Variants in FAF1 observed in about 807,000 individuals in gnomAD.
The protein encoded by FAF1 is FAS-associated factor 1.
A neutral mutation model predicts 92.5 loss-of-function variants in FAF1; 25 were observed. That is an observed-to-expected ratio of 0.27 (90% CI 0.20 to 0.38). The LOEUF is 0.38. FAF1 is among the 10% of genes least tolerant of loss of function. FAF1 has a pLI of 1.00. For missense variants in FAF1, 636 were observed against 793.3 expected (o/e 0.80, Z 2.38); for synonymous variants, 234 against 273.2 (o/e 0.86, Z 1.42).
intron 6 of FAF1, among the ~76,000 whole-genome samples, chr1:50,724,140 G>C (rs1240360865): frequency 1.3e-5 from 2 of 151,518 alleles, no homozygotes; most frequent in Non-Finnish European, 2.9e-5. Context: ...GGCTAAGGCA[G>C]GAGGACGACT....
intron 1 of FAF1, 46 bp downstream of exon 1, chr1:50,959,721 A>G: frequency 6.5e-7 from 1 of 1,547,946 alleles, no homozygotes; most frequent in South Asian, 1.1e-5. Context: ...GGCACCGGAA[A>G]CCCACGAGGT....
chr1:50,846,602 G>T, intron 2 of FAF1: 1 of 532,066 alleles, frequency 1.9e-6, no homozygotes. Context: ...GGGTGAGTGA[G>T]CGCTTCCTTG....
intron 8 of FAF1, among the ~76,000 whole-genome samples, chr1:50,635,683 T>G (rs998456877): frequency 2.0e-5 from 3 of 152,162 alleles, no homozygotes; most frequent in Non-Finnish European, 4.4e-5. Flanking sequence ...ACCGCTAAGC[T>G]CAAGCAAACC....
intron 17 of FAF1, among the ~76,000 whole-genome samples, chr1:50,478,249 C>G (rs911984652): frequency 1.3e-5 from 2 of 151,778 alleles, no homozygotes; most frequent in East Asian, 3.9e-4. Flanking sequence ...CTGCAACCTC[C>G]GTCTCCCAGG....
At chr1:50,587,775 C>T (rs181991232) in intron 9 of FAF1, among the ~76,000 whole-genome samples, 1 of 152,210 alleles carries the variant, frequency 6.6e-6, no homozygotes, top group East Asian at 1.9e-4. Context: ...ATATTATACA[C>T]AGAGTGATTA....
chr1:50,647,153 G>A (rs1654635740), intron 8 of FAF1, among the ~76,000 whole-genome samples: 1 of 151,976 alleles, frequency 6.6e-6, no homozygotes, highest in Non-Finnish European at 1.5e-5. Context: ...CCAGCCTAGG[G>A]CTCCGGACTT....
At chr1:50,451,925 CG>C in intron 18 of FAF1, 3 of 1,117,098 alleles carry the variant, frequency 2.7e-6, no homozygotes, top group Non-Finnish European at 3.3e-6. Flanking sequence ...GGCACACTGT[CG>C]GGGACACCCT....
intron 18 of FAF1, among the ~76,000 whole-genome samples, chr1:50,453,683 A>C (rs374102466): frequency 3.2e-4 from 48 of 152,342 alleles, no homozygotes; most frequent in African/African-American, 1.0e-3. Context: ...ACCTATACCC[A>C]AAATTCCCAA....
At chr1:50,841,766 G>A in intron 2 of FAF1, among the ~76,000 whole-genome samples, 1 of 151,920 alleles carries the variant, frequency 6.6e-6, no homozygotes, top group East Asian at 1.9e-4. Context: ...TTTTTTTTAA[G>A]TTATTAAGGT....
intron 2 of FAF1, among the ~76,000 whole-genome samples, chr1:50,825,480 C>A (rs942233868): frequency 6.6e-6 from 1 of 151,610 alleles, no homozygotes; most frequent in African/African-American, 2.4e-5. Flanking sequence ...GTCACTCTAC[C>A]CAGAATATGT....
At chr1:50,686,613 G>T (rs1413826596) in intron 7 of FAF1, among the ~76,000 whole-genome samples, 3 of 145,134 alleles carry the variant, frequency 2.1e-5, no homozygotes, top group African/African-American at 7.7e-5. Context: ...AGGGGAGGGA[G>T]GGGAGGGGAG....
chr1:50,871,463 C>T lies in FAF1; in HGVS notation c.46-13466G>A, dbSNP rs76511280. On this transcript the variant is annotated intron_variant, in intron 1 of 18. Transcript: ENST00000396153. The stretch of plus-strand genomic sequence containing the variant: ...CTGACTTTCTCATTAGGGGCTAATG[C>T]AGATGGTGACTTTCAACTGAAGCCA... Among the ~76,000 whole-genome samples, 352 of 152,306 alleles carry T rather than the reference C, an allele frequency of 2.3e-3. 1 individual carries two copies. Among genetic ancestry groups the T allele is most frequent in the African/African-American group, 8.3e-3 (343 of 41,568 alleles).
At chr1:50,708,800 G>C (rs1046536945) in intron 6 of FAF1, among the ~76,000 whole-genome samples, 1 of 152,078 alleles carries the variant, frequency 6.6e-6, no homozygotes, top group East Asian at 1.9e-4. Flanking sequence ...GTATAAGGGA[G>C]CCAAAAGAAA....
chr1:50,502,959 G>C (rs1647010504), intron 15 of FAF1, among the ~76,000 whole-genome samples: 1 of 151,888 alleles, frequency 6.6e-6, no homozygotes, highest in South Asian at 2.1e-4. Flanking sequence ...GAGGAGCTTG[G>C]ATTACAGGTG....
At chr1:50,627,834 ATT>A (rs532972229) in intron 8 of FAF1, among the ~76,000 whole-genome samples, 2 of 149,832 alleles carry the variant, frequency 1.3e-5, no homozygotes, top group African/African-American at 4.9e-5. Context: ...TCAACAAAAC[ATT>A]TTTTTTTTTA....
At chr1:50,735,694 G>A (rs1659109503) in intron 6 of FAF1, among the ~76,000 whole-genome samples, 1 of 152,088 alleles carries the variant, frequency 6.6e-6, no homozygotes, top group Non-Finnish European at 1.5e-5. Flanking sequence ...GTTTGTCAGT[G>A]AACAATTTAA....
intron 8 of FAF1, among the ~76,000 whole-genome samples, chr1:50,608,311 C>T (rs1425814088): frequency 1.3e-5 from 2 of 152,150 alleles, no homozygotes; most frequent in African/African-American, 4.8e-5. Context: ...TTAGCTAGTC[C>T]TCAATTTGGT....
At chr1:50,818,721 G>A (rs1042162547) in intron 2 of FAF1, among the ~76,000 whole-genome samples, 4 of 151,814 alleles carry the variant, frequency 2.6e-5, no homozygotes, top group Non-Finnish European at 5.9e-5. Context: ...TGGAATATGC[G>A]CAGACCCACA....
intron 7 of FAF1, among the ~76,000 whole-genome samples, chr1:50,678,465 G>A (rs1656246698): frequency 6.6e-6 from 1 of 152,068 alleles, no homozygotes; most frequent in South Asian, 2.1e-4. Flanking sequence ...TTTCTTCTGT[G>A]CCTAGCCACT....
Sources: gnomAD v4.1 joint callset for allele counts (sites outside exome capture counted in the v4.1 genomes callset) on GRCh38, gnomAD v4.1.1 for gene constraint, MANE v1.5 for transcripts, NCBI Gene and HGNC (gene_info 2026-07-23, HGNC 2026-07-21) for gene names.